The following RPS6KA6 variants were observed in gnomAD, a reference collection of about 807,000 sequenced individuals.
RPS6KA6 encodes ribosomal protein S6 kinase alpha-6.
RPS6KA6 carries 27 observed loss-of-function variants against 65.4 expected under a neutral mutation model. The observed-to-expected ratio is 0.41, with a 90% CI of 0.30 to 0.57. RPS6KA6 has a LOEUF of 0.57. Among genes scored for constraint, RPS6KA6 ranks in the 20% least tolerant of loss-of-function variants. The pLI, the probability that RPS6KA6 is intolerant of heterozygous loss-of-function variation, is 0.24. For missense variants in RPS6KA6, 486 were observed against 555.6 expected, an observed-to-expected ratio of 0.87 and a Z score of 1.26; for synonymous variants, 190 against 184.2, an observed-to-expected ratio of 1.03 and a Z score of -0.26.
chrX:84,106,792 T>C, intron 14 of RPS6KA6, 118 bp downstream of exon 14: 1 of 584,267 alleles, frequency 1.7e-6, no homozygotes, highest in Non-Finnish European at 2.6e-6. Context: ...TCATGATTTA[T>C]ACCAATAGAT....
chrX:84,142,275 C>A (rs1399924169), intron 6 of RPS6KA6, among the ~76,000 whole-genome samples: 4 of 110,392 alleles, frequency 3.6e-5, no homozygotes, highest in Non-Finnish European at 3.8e-5. Flanking sequence ...ATCAATGGGT[C>A]AAAGAAATAG....
intron 20 of RPS6KA6, among the ~76,000 whole-genome samples, chrX:84,083,181 T>A (rs2033841086): frequency 8.9e-6 from 1 of 112,449 alleles, no homozygotes; most frequent in Non-Finnish European, 1.9e-5. Flanking sequence ...TGGGAGAAAA[T>A]TTTTGGAATC....
chrX:84,082,585 A>T (rs902716667), intron 20 of RPS6KA6, among the ~76,000 whole-genome samples: 1 of 112,054 alleles, frequency 8.9e-6, no homozygotes, highest in African/African-American at 3.2e-5. Flanking sequence ...TCACAGAATT[A>T]GAAAAAATTA....
At chrX:84,071,199 G>T (rs1251411958) in intron 20 of RPS6KA6, among the ~76,000 whole-genome samples, 1 of 110,915 alleles carries the variant, frequency 9.0e-6, no homozygotes, top group African/African-American at 3.3e-5. Flanking sequence ...CAGAGAGAGA[G>T]AATTACAAGG....
In RPS6KA6 at chrX:84,164,375, T is replaced by G; in HGVS notation, c.94A>C (p.Lys32Gln). 2 of 1,189,672 alleles carry G rather than the reference T, an allele frequency of 1.7e-6. No individual in the cohort carries two copies. Among genetic ancestry groups the G allele is most frequent in the Non-Finnish European group, 2.3e-6 (2 of 877,576 alleles). Residue 32 changes from lysine (K) to glutamine (Q), a missense_variant, in exon 2 of 22, where the codon AAA becomes CAA. By Grantham distance (53) the Lys-to-Gln change is moderately conservative (BLOSUM62 1). This residue lies in a region of RPS6KA6 where 106 missense variants were observed against 105.0 expected (regional missense o/e 1.01). Transcript: ENST00000262752. ...TCTTCCATTGGCTCATCAACCATTTTAAGACCATTTACCTGAAAAACATTG... is the reference window on the plus strand; with the variant it reads ...TCTTCCATTGGCTCATCAACCATTTGAAGACCATTTACCTGAAAAACATTG... ...GASSGEVNGL[K>Q]MVDEPMEEGE...
At position 84,148,098 on chromosome X, in the gene RPS6KA6, C is replaced by T. The variant is rs1234938393; in HGVS notation, c.284G>A (p.Gly95Asp). ...TGCATAGAGCTGCCCAGCATCAGGA[C>T]CGGTCTTCTTTCTAACAAGAAAAAC... ...GKVFLVRKKT[G>D]PDAGQLYAMK... is the part of the protein sequence containing the mutation. The change falls in exon 4 of 22, where the codon GGT becomes GAT. Residue 95 changes from glycine to aspartate, a missense_variant. Gly to Asp is a moderately conservative substitution (Grantham distance 94). Coordinates refer to ENST00000262752, the MANE Select transcript of RPS6KA6 (RefSeq NM_014496.5). 2 of 1,178,533 alleles carry T rather than the reference C, an allele frequency of 1.7e-6. No individual in the cohort carries two copies. The highest frequency in any genetic ancestry group is 2.3e-6 in the Non-Finnish European group (2 of 877,489).
intron 8 of RPS6KA6, among the ~76,000 whole-genome samples, chrX:84,132,903 A>G (rs1181664984): frequency 9.7e-6 from 1 of 102,602 alleles, no homozygotes; most frequent in Non-Finnish European, 2.0e-5. Flanking sequence ...GAATTTTTAA[A>G]GTGGACTAGT....
At position 84,107,102 on chromosome X, in the gene RPS6KA6, C is replaced by T. The variant is rs185741742; in HGVS notation, c.1112-62G>A. On this transcript the variant is annotated intron_variant, in intron 13 of 21. Transcript: ENST00000262752. ...CACAGAATTCTATGATATAAAGTGT[C>T]AGAATTTCTTTAACTATAAAGGAAA... 3.0e-4 allele frequency: 293 copies of T among 962,875 alleles called. 1 individual carries two copies. In the African/African-American group the frequency reaches 4.8e-3, roughly 16 times the overall value. 79.4% of individuals were successfully genotyped at this position (962,875 alleles called of 1,213,427 possible).
At chrX:84,105,762 G>A (rs1164698810) in intron 16 of RPS6KA6, 25 bp downstream of exon 16, 1 of 888,476 alleles carries the variant, frequency 1.1e-6, no homozygotes, top group Non-Finnish European at 1.6e-6. Flanking sequence ...TAGCTTAGCT[G>A]ATACCTAGAT....
chrX:84,114,770 A>C (rs2034533617), intron 12 of RPS6KA6, among the ~76,000 whole-genome samples: 1 of 111,974 alleles, frequency 8.9e-6, no homozygotes, highest in Non-Finnish European at 1.9e-5. Context: ...CACATAGATC[A>C]ATGGAACAAA....
At chrX:84,167,981 T>C (rs1388524024) in intron 1 of RPS6KA6, among the ~76,000 whole-genome samples, 1 of 111,426 alleles carries the variant, frequency 9.0e-6, no homozygotes, top group Non-Finnish European at 1.9e-5. Flanking sequence ...CTAGCATCTC[T>C]ATTCTAAAAA....
chrX:84,147,177 A>G (rs1569233681), intron 4 of RPS6KA6, 119 bp from the exon 5 acceptor site: 1 of 429,914 alleles, frequency 2.3e-6, no homozygotes, highest in Non-Finnish European at 3.9e-6. Context: ...TAAATGCCGA[A>G]ATTTGCAGTT....
chrX:84,186,523 T>A (rs747551801), intron 1 of RPS6KA6, among the ~76,000 whole-genome samples: 1 of 111,988 alleles, frequency 8.9e-6, no homozygotes, highest in South Asian at 3.7e-4. Context: ...AGTAAAATAT[T>A]TCCTGTAAGT....
chrX:84,147,338 G>T (rs187725828), intron 4 of RPS6KA6, among the ~76,000 whole-genome samples: 33 of 111,485 alleles, frequency 3.0e-4, no homozygotes, highest in African/African-American at 1.1e-3. Flanking sequence ...ACAGGGTATT[G>T]CTCTCTTGTC....
At chrX:84,088,050 T>C (rs1205437719) in intron 20 of RPS6KA6, among the ~76,000 whole-genome samples, 2 of 111,408 alleles carry the variant, frequency 1.8e-5, no homozygotes, top group Non-Finnish European at 3.8e-5. Context: ...CAGCTCCTGT[T>C]ACCAGCTATT....
intron 1 of RPS6KA6, among the ~76,000 whole-genome samples, chrX:84,164,843 G>A (rs1258012489): frequency 9.0e-6 from 1 of 111,451 alleles, no homozygotes; most frequent in Non-Finnish European, 1.9e-5. Flanking sequence ...ATACTATACA[G>A]AAGAAAAAAT....
At position 84,143,955 on chromosome X, in the gene RPS6KA6, GATGC is replaced by G. The variant is rs2035152445; in HGVS notation, c.501+1519_501+1522del. ...AGAAAAGACAGACTTTTCCAATAAT[GATGC>G]TATAACAACTGGCTATCTATGTGAA... On this transcript the variant is annotated intron_variant, in intron 6 of 21. Coordinates refer to ENST00000262752, the MANE Select transcript of RPS6KA6 (RefSeq NM_014496.5). Among the ~76,000 whole-genome samples the G allele has an allele frequency of 3.6e-5, 4 of 111,102 alleles. No individual in the cohort carries two copies. In the Admixed American group the frequency reaches 3.8e-4, roughly 11 times the overall value.
intron 3 of RPS6KA6, among the ~76,000 whole-genome samples, chrX:84,152,151 G>C (rs181643686): frequency 1.8e-5 from 2 of 110,946 alleles, no homozygotes; most frequent in Admixed American, 1.9e-4. Flanking sequence ...GCATTTAATA[G>C]GATCCATCAT....
intron 20 of RPS6KA6, among the ~76,000 whole-genome samples, chrX:84,066,254 GAC>G (rs1358455714): frequency 9.4e-6 from 1 of 105,849 alleles, no homozygotes; most frequent in Non-Finnish European, 1.9e-5. Context: ...ATCCCAGCGA[GAC>G]AGAACCATTC....
Sources: allele counts gnomAD v4.1 joint callset (sites outside exome capture counted in the v4.1 genomes callset), GRCh38; gene constraint gnomAD v4.1.1; regional missense constraint gnomAD v4.1.1; transcripts MANE v1.5; gene names NCBI Gene and HGNC (gene_info 2026-07-23, HGNC 2026-07-21).